The following DOCK2 variants were observed in gnomAD, a reference collection of about 807,000 sequenced individuals.
DOCK2 encodes the protein dedicator of cytokinesis 2, also known as dedicator of cytokinesis protein 2.
Under a neutral mutation model 248.9 loss-of-function variants are expected in DOCK2, and 87 were observed. The observed-to-expected ratio is 0.35, with a 90% CI of 0.29 to 0.42. The LOEUF (loss-of-function observed/expected upper bound fraction) is 0.42, where lower values mean the gene tolerates loss of function less well. Ranked by LOEUF, DOCK2 falls within the 10% of genes least tolerant of loss-of-function variation. The pLI is 1.00. For synonymous variants in DOCK2, 805 were observed against 821.6 expected, an observed-to-expected ratio of 0.98 and a Z score of 0.35; for missense variants, 1,747 against 2,300.2, an observed-to-expected ratio of 0.76 and a Z score of 4.92.
intron 1 of DOCK2, 79 bp downstream of exon 1, chr5:169,637,448 G>T: frequency 7.8e-7 from 1 of 1,280,116 alleles, no homozygotes; most frequent in African/African-American, 1.6e-5. Context: ...CTGCGGGGCC[G>T]GCGGCGCGGG....
chr5:170,019,191 C>T, intron 33 of DOCK2, 83 bp downstream of exon 33: 1 of 1,592,404 alleles, frequency 6.3e-7, no homozygotes, highest in Non-Finnish European at 8.6e-7. Context: ...TTCCATCTCC[C>T]TGAGCTTCAT....
intron 27 of DOCK2, among the ~76,000 whole-genome samples, chr5:169,921,313 G>A (rs1305324025): frequency 2.0e-5 from 3 of 152,164 alleles, no homozygotes; most frequent in Non-Finnish European, 4.4e-5. Context: ...AATCTATATA[G>A]GAATAGGAAA....
In DOCK2 at chr5:169,986,508, G is replaced by A. The variant is rs972037017; in HGVS notation, c.2993+586G>A. Among the ~76,000 whole-genome samples, 7 of 152,124 alleles carry A rather than the reference G, an allele frequency of 4.6e-5. No homozygotes were observed. In the South Asian group the frequency reaches 1.2e-3, roughly 27 times the overall value. On this transcript the variant is annotated intron_variant, in intron 29 of 51. Coordinates refer to ENST00000520908, the MANE Select transcript of DOCK2 (RefSeq NM_004946.3). The stretch of plus-strand genomic sequence containing the variant: ...CCCAAGTATAGCTTAGATGTCCTAT[G>A]GCCCAACACAACAAGAGATAAAAGT...
At chr5:169,973,863 C>T (rs561530470) in intron 27 of DOCK2, among the ~76,000 whole-genome samples, 1 of 152,260 alleles carries the variant, frequency 6.6e-6, no homozygotes, top group African/African-American at 2.4e-5. Flanking sequence ...TCCATACATC[C>T]ATCTATTCAT....
chr5:169,900,600 A>G (rs553460084), intron 27 of DOCK2, among the ~76,000 whole-genome samples: 2 of 152,312 alleles, frequency 1.3e-5, no homozygotes, highest in South Asian at 4.1e-4. Flanking sequence ...TTTGGGCTGT[A>G]ATATTAAGAG....
At chr5:169,637,776 C>T (rs1756911253) in intron 1 of DOCK2, among the ~76,000 whole-genome samples, 1 of 152,162 alleles carries the variant, frequency 6.6e-6, no homozygotes, top group South Asian at 2.1e-4. Context: ...ATACTTCCAC[C>T]CCCTCCAAAG....
intron 29 of DOCK2, among the ~76,000 whole-genome samples, chr5:169,992,918 C>T (rs1409203943): frequency 1.3e-5 from 2 of 152,166 alleles, no homozygotes; most frequent in African/African-American, 4.8e-5. Context: ...GATTTACCTG[C>T]TACTAATCCC....
chr5:169,699,319 G>T, intron 11 of DOCK2, 63 bp from the exon 12 acceptor site: 1 of 1,544,004 alleles, frequency 6.5e-7, no homozygotes, highest in Non-Finnish European at 8.9e-7. Context: ...GGAGATTCAT[G>T]GGACCCCTTG....
intron 23 of DOCK2, among the ~76,000 whole-genome samples, chr5:169,755,117 T>C (rs1357664655): frequency 3.3e-5 from 5 of 151,858 alleles, no homozygotes; most frequent in Middle Eastern, 6.8e-3. Flanking sequence ...TTTTTACATA[T>C]ATATATTTTG....
In DOCK2 at chr5:170,011,662, T is replaced by C. The variant is rs532607339; in HGVS notation, c.3232+2916T>C. Reference sequence around the variant, plus strand: ...TGCCTTGTAGCAGTTAACAGCCACGTGTCCCAAGTCTGTCCCATGAGAATC... The same window carrying C: ...TGCCTTGTAGCAGTTAACAGCCACGCGTCCCAAGTCTGTCCCATGAGAATC... On this transcript the variant is annotated intron_variant, in intron 32 of 51. Coordinates refer to ENST00000520908, the MANE Select transcript of DOCK2 (RefSeq NM_004946.3). Among the ~76,000 whole-genome samples the C allele has an allele frequency of 4.6e-5, 7 of 152,340 alleles. No individual in the cohort carries two copies. The East Asian group carries it at 1.4e-3, about 29-fold the overall frequency.
At chr5:170,057,147 C>T in intron 43 of DOCK2, 1 of 354,322 alleles carries the variant, frequency 2.8e-6, no homozygotes, top group Non-Finnish European at 5.3e-6. Flanking sequence ...CTAGTCTCCT[C>T]TGTGTGTGTC....
intron 27 of DOCK2, among the ~76,000 whole-genome samples, chr5:169,842,712 G>A (rs907787224): frequency 6.6e-6 from 1 of 152,092 alleles, no homozygotes; most frequent in African/African-American, 2.4e-5. Flanking sequence ...TCCCTTTCCT[G>A]TAGAACAGTG....
chr5:169,811,108 G>A (rs541390147), intron 26 of DOCK2, among the ~76,000 whole-genome samples: 3 of 152,124 alleles, frequency 2.0e-5, no homozygotes, highest in African/African-American at 7.2e-5. Flanking sequence ...GATGGGAGGG[G>A]AGGGGACTGC....
intron 43 of DOCK2, chr5:170,057,050 G>T: frequency 2.3e-6 from 1 of 429,640 alleles, no homozygotes. Context: ...AAACCCTCAG[G>T]CTAAGAAGGG....
chr5:169,777,560 C>T (rs1765455416), intron 25 of DOCK2, among the ~76,000 whole-genome samples: 1 of 152,330 alleles, frequency 6.6e-6, no homozygotes, highest in South Asian at 2.1e-4. Flanking sequence ...TGAGGAGAGA[C>T]TTCCCATTTC....
chr5:169,771,353 G>A (rs112139518), intron 25 of DOCK2, among the ~76,000 whole-genome samples: 5,591 of 152,160 alleles, frequency 0.037, 218 homozygotes, highest in Admixed American at 0.13. Flanking sequence ...GCGTGATCTC[G>A]GCTCACTGCA....
intron 26 of DOCK2, among the ~76,000 whole-genome samples, chr5:169,828,038 C>A (rs1175432077): frequency 6.6e-6 from 1 of 152,144 alleles, no homozygotes; most frequent in Non-Finnish European, 1.5e-5. Flanking sequence ...GAAGGGCACA[C>A]ATTGTCTCTT....
chr5:170,023,550 G>A (rs1294191539), intron 33 of DOCK2, among the ~76,000 whole-genome samples: 1 of 152,148 alleles, frequency 6.6e-6, no homozygotes, highest in Non-Finnish European at 1.5e-5. Context: ...CATCTGTAAA[G>A]TGGGTATCCA....
At chr5:169,673,074 T>C (rs1235082699) in intron 5 of DOCK2, among the ~76,000 whole-genome samples, 1 of 152,168 alleles carries the variant, frequency 6.6e-6, no homozygotes, top group Non-Finnish European at 1.5e-5. Flanking sequence ...AATTATTGGC[T>C]ATTGGTGCTT....
Sources: gnomAD v4.1 joint callset for allele counts (sites outside exome capture counted in the v4.1 genomes callset) on GRCh38, gnomAD v4.1.1 for gene constraint, MANE v1.5 for transcripts, NCBI Gene and HGNC (gene_info 2026-07-23, HGNC 2026-07-21) for gene names.